SENP7: variants seen among roughly 807,000 people sequenced by gnomAD.
SENP7 encodes the protein sentrin-specific protease 7.
In SENP7, 64 loss-of-function variants were observed where a neutral mutation model predicts 141.2. That is an observed-to-expected ratio of 0.45 (90% CI 0.37 to 0.56). The LOEUF is 0.56. Ranked by LOEUF, SENP7 falls within the 20% of genes least tolerant of loss-of-function variation. The probability of loss-of-function intolerance (pLI) is 0.00; values close to 1 mark genes in which losing one functional copy is unlikely to be tolerated. For missense variants in SENP7, 1,025 were observed against 1,212.2 expected (o/e 0.85, Z 2.29); for synonymous variants, 382 against 426.4 (o/e 0.90, Z 1.28).
At chr3:101,331,666 T>C (rs2059058562) in intron 19 of SENP7, among the ~76,000 whole-genome samples, 1 of 152,066 alleles carries the variant, frequency 6.6e-6, no homozygotes. Flanking sequence ...TATTATTATA[T>C]CAGAAAAGTT....
At chr3:101,484,823 G>A (rs1008354718) in intron 3 of SENP7, among the ~76,000 whole-genome samples, 1 of 152,152 alleles carries the variant, frequency 6.6e-6, no homozygotes, top group African/African-American at 2.4e-5. Context: ...TCCACAGGGA[G>A]AAGGAAATCT....
chr3:101,368,820 T>A (rs2060107109), intron 7 of SENP7, among the ~76,000 whole-genome samples: 1 of 152,152 alleles, frequency 6.6e-6, no homozygotes, highest in African/African-American at 2.4e-5. Context: ...ATAAACTAAG[T>A]CTTTTAAAAT....
At chr3:101,509,122 T>C (rs534789120) in intron 1 of SENP7, among the ~76,000 whole-genome samples, 11 of 152,180 alleles carry the variant, frequency 7.2e-5, no homozygotes, top group Non-Finnish European at 1.2e-4. Flanking sequence ...TCCTACCTGA[T>C]ATATATTCAA....
chr3:101,387,062 T>A (rs2060676627), intron 6 of SENP7, among the ~76,000 whole-genome samples: 3 of 151,980 alleles, frequency 2.0e-5, no homozygotes, highest in Non-Finnish European at 4.4e-5. Context: ...ACTGAGTACA[T>A]GCCTTCCCTG....
chr3:101,396,698 T>G (rs1256097320), intron 6 of SENP7, among the ~76,000 whole-genome samples: 1 of 152,218 alleles, frequency 6.6e-6, no homozygotes. Flanking sequence ...GCAAAAAATT[T>G]AGTATACATT....
rs192194034 is a variant in SENP7 at position 101,451,539 on chromosome 3, G to C, written c.284+7416C>G. Among the ~76,000 whole-genome samples, 1,180 of 152,308 alleles carry C rather than the reference G, an allele frequency of 7.7e-3. 21 individuals are homozygous for C. The highest frequency in any genetic ancestry group is 0.027 in the African/African-American group (1,142 of 41,546). The stretch of plus-strand genomic sequence containing the variant: ...CCATGATCAAGTGGGCTTCATCCCT[G>C]AGATGCAAGGCTGATTCAACATACG... On this transcript the variant is annotated intron_variant, in intron 4 of 23. Transcript: ENST00000394095.
chr3:101,326,189 A>G, intron 23 of SENP7, 109 bp from the exon 24 acceptor site: 1 of 861,448 alleles, frequency 1.2e-6, no homozygotes, highest in Non-Finnish European at 1.7e-6. Context: ...TAAAATAACA[A>G]TTATATTAAG....
At chr3:101,412,013 C>T (rs1285045840) in intron 5 of SENP7, among the ~76,000 whole-genome samples, 1 of 152,086 alleles carries the variant, frequency 6.6e-6, no homozygotes, top group Non-Finnish European at 1.5e-5. Flanking sequence ...ACTACAGGTT[C>T]CTTCCTTGTT....
At chr3:101,328,403 A>G (rs1341356904) in intron 22 of SENP7, 75 bp downstream of exon 22, 3 of 993,350 alleles carry the variant, frequency 3.0e-6, no homozygotes, top group Admixed American at 1.9e-5. Flanking sequence ...AGTCTTTTCA[A>G]TAATTCTGAA....
At chr3:101,407,040 A>C (rs2061327153) in intron 5 of SENP7, among the ~76,000 whole-genome samples, 1 of 152,196 alleles carries the variant, frequency 6.6e-6, no homozygotes, top group African/African-American at 2.4e-5. Flanking sequence ...CGCCATTACC[A>C]AGCACTAAAA....
chr3:101,484,376 T>G (rs932614397), intron 3 of SENP7, among the ~76,000 whole-genome samples: 3 of 152,160 alleles, frequency 2.0e-5, no homozygotes, highest in Non-Finnish European at 4.4e-5. Context: ...ATCATCATGG[T>G]GGACAGGAGG....
chr3:101,339,121 A>T (rs142765248), intron 16 of SENP7, among the ~76,000 whole-genome samples: 51 of 152,296 alleles, frequency 3.3e-4, no homozygotes, highest in African/African-American at 1.2e-3. Context: ...CATGGAAGAT[A>T]TAAAAAAGAC....
At chr3:101,440,822 A>C (rs1215906345) in intron 4 of SENP7, among the ~76,000 whole-genome samples, 1 of 152,188 alleles carries the variant, frequency 6.6e-6, no homozygotes, top group Non-Finnish European at 1.5e-5. Context: ...GATCAAGGAG[A>C]TTTATCCCAG....
intron 1 of SENP7, among the ~76,000 whole-genome samples, chr3:101,501,953 C>T (rs1344202087): frequency 9.2e-5 from 14 of 152,164 alleles, no homozygotes; most frequent in Admixed American, 9.2e-4. Context: ...ACACCCTTGA[C>T]TACCTCACAC....
chr3:101,353,535 A>G lies in SENP7; in HGVS notation c.1624-1884T>C, dbSNP rs150353195. Reference sequence around the variant, plus strand: ...ACCCCTAGATTTAAAAATAAGAAAAATTTTGTGGCAGTAAGGTAAACCTAG... The same window carrying G: ...ACCCCTAGATTTAAAAATAAGAAAAGTTTTGTGGCAGTAAGGTAAACCTAG... On this transcript the variant is annotated intron_variant, in intron 11 of 23. Coordinates refer to ENST00000394095, the MANE Select transcript of SENP7 (RefSeq NM_020654.5). Among the ~76,000 whole-genome samples the G allele has an allele frequency of 7.9e-3, 1,203 of 152,072 alleles. 8 individuals carry two copies. The highest frequency in any genetic ancestry group is 0.013 in the Non-Finnish European group (874 of 67,872).
chr3:101,513,079 A>G lies in SENP7; in HGVS notation c.40+12T>C, dbSNP rs1325893146. 13 of 1,612,286 alleles carry G rather than the reference A, an allele frequency of 8.1e-6. No homozygotes were observed. The highest frequency in any genetic ancestry group is 1.1e-5 in the Non-Finnish European group (13 of 1,179,352). On this transcript the variant is annotated intron_variant, in intron 1 of 23. Coordinates refer to ENST00000394095, the MANE Select transcript of SENP7 (RefSeq NM_020654.5). The stretch of plus-strand genomic sequence containing the variant: ...AGACAATATGTTCAGCCCTTCTCTG[A>G]CCCTTTCTCACCGGATGAAGATGGC...
At chr3:101,344,675 T>C (rs938741093) in intron 13 of SENP7, among the ~76,000 whole-genome samples, 1 of 152,126 alleles carries the variant, frequency 6.6e-6, no homozygotes, top group South Asian at 2.1e-4. Flanking sequence ...TATAGATAAG[T>C]GTTATAGGTG....
chr3:101,391,249 G>T (rs1168938943), intron 6 of SENP7, among the ~76,000 whole-genome samples: 1 of 150,152 alleles, frequency 6.7e-6, no homozygotes, highest in Non-Finnish European at 1.5e-5. Flanking sequence ...AGTCATAGAA[G>T]AACTAAATGA....
chr3:101,431,196 C>G (rs2062154131), intron 4 of SENP7, among the ~76,000 whole-genome samples: 1 of 152,148 alleles, frequency 6.6e-6, no homozygotes, highest in Admixed American at 6.5e-5. Flanking sequence ...TCTATTAGGT[C>G]TGCTTGGTCC....
Sources: gnomAD v4.1 joint callset for allele counts (sites outside exome capture counted in the v4.1 genomes callset) on GRCh38, gnomAD v4.1.1 for gene constraint, MANE v1.5 for transcripts, NCBI Gene and HGNC (gene_info 2026-07-23, HGNC 2026-07-21) for gene names.